NTM: variants seen among roughly 807,000 people sequenced by gnomAD.
NTM encodes neurotrimin, also known as IgLON family member 2.
NTM carries 13 observed loss-of-function variants against 42.1 expected under a neutral mutation model. That is an observed-to-expected ratio of 0.31 (90% confidence interval 0.20 to 0.49). The LOEUF is 0.49. Among genes scored for constraint, NTM ranks in the 20% least tolerant of loss-of-function variants. The probability of loss-of-function intolerance (pLI) is 0.99; values close to 1 mark genes in which losing one functional copy is unlikely to be tolerated. For synonymous variants in NTM, 187 were observed against 179.2 expected, an observed-to-expected ratio of 1.04 and a Z score of -0.35; for missense variants, 373 against 452.8, an observed-to-expected ratio of 0.82 and a Z score of 1.60.
chr11:131,638,902 CAAT>C (rs1307829272), intron 1 of NTM, among the ~76,000 whole-genome samples: 1 of 151,864 alleles, frequency 6.6e-6, no homozygotes, highest in Non-Finnish European at 1.5e-5. Flanking sequence ...ATAACAACAA[CAAT>C]AATAGCTTAG....
intron 1 of NTM, among the ~76,000 whole-genome samples, chr11:131,592,647 A>AAC (rs3040142): frequency 0.021 from 2,888 of 140,722 alleles, 37 homozygotes; most frequent in Middle Eastern, 0.029. Context: ...ACACACCCCA[A>AAC]ACACACACAC....
At chr11:131,630,165 A>G (rs1043685649) in intron 1 of NTM, among the ~76,000 whole-genome samples, 9 of 152,162 alleles carry the variant, frequency 5.9e-5, no homozygotes, top group African/African-American at 2.2e-4. Flanking sequence ...AGGTCGGGCC[A>G]TGGTCTATTG....
At chr11:131,648,775 C>T (rs996772023) in intron 1 of NTM, among the ~76,000 whole-genome samples, 4 of 152,160 alleles carry the variant, frequency 2.6e-5, no homozygotes, top group South Asian at 2.1e-4. Context: ...TGTAAACTAT[C>T]GTCACACTCT....
At chr11:131,634,115 C>G (rs1311007804) in intron 1 of NTM, among the ~76,000 whole-genome samples, 2 of 152,130 alleles carry the variant, frequency 1.3e-5, no homozygotes, top group Admixed American at 6.5e-5. Context: ...ACTGGGTAAA[C>G]AGGAGTGGTT....
intron 1 of NTM, among the ~76,000 whole-genome samples, chr11:131,712,719 G>A (rs1410664978): frequency 6.6e-6 from 1 of 151,976 alleles, no homozygotes; most frequent in Non-Finnish European, 1.5e-5. Context: ...AAGTAGCTGG[G>A]ACTACAGATG....
intron 1 of NTM, among the ~76,000 whole-genome samples, chr11:131,696,422 A>G (rs1040660392): frequency 6.6e-6 from 1 of 152,220 alleles, no homozygotes; most frequent in Non-Finnish European, 1.5e-5. Context: ...AAAGAGGAAG[A>G]CATATCAAGT....
rs7109789 is a variant in NTM at position 131,795,605 on chromosome 11, T to G, written c.83-115959T>G. 0.01 allele frequency: 10,027 copies of G among 985,246 alleles called. 760 individuals are homozygous for G. In the African/African-American group the frequency reaches 0.16, roughly 16 times the overall value. 61.0% of individuals were successfully genotyped at this position (985,246 alleles called of 1,614,324 possible). ...CCGCGAGAACCCTGGTCCCACAGAGTCATGGGAGACCCTTGTAGGAGCTTG... is the reference window on the plus strand; with the variant it reads ...CCGCGAGAACCCTGGTCCCACAGAGGCATGGGAGACCCTTGTAGGAGCTTG... On this transcript the variant is annotated intron_variant, in intron 1 of 8. Transcript: ENST00000683400.
At position 131,813,894 on chromosome 11, in the gene NTM, C is replaced by G. The variant is rs537450373; in HGVS notation, c.83-97670C>G. 5.3e-5 allele frequency among the ~76,000 whole-genome samples: 8 copies of G among 152,214 alleles called. No homozygotes were observed. The South Asian group carries it at 1.7e-3, about 32-fold the overall frequency. On this transcript the variant is annotated intron_variant, in intron 1 of 8. Coordinates refer to ENST00000683400, the MANE Select transcript of NTM (RefSeq NM_001352005.2). ...GTCCCTTCAACCCACAGCCCTCATT[C>G]TCCTCATTCGTAACAGTGCCTACTT...
At chr11:131,830,160 G>A (rs530551184) in intron 1 of NTM, among the ~76,000 whole-genome samples, 179 of 152,128 alleles carry the variant, frequency 1.2e-3, no homozygotes, top group Non-Finnish European at 1.9e-3. Context: ...CTTTTGCTGT[G>A]CAGAAACTCT....
chr11:131,738,982 G>A (rs1033024642), intron 1 of NTM, among the ~76,000 whole-genome samples: 19 of 152,158 alleles, frequency 1.2e-4, no homozygotes, highest in African/African-American at 4.6e-4. Flanking sequence ...CAAGGGATGT[G>A]GGCTTTGATC....
At chr11:132,139,362 A>G (rs182721990) in intron 2 of NTM, among the ~76,000 whole-genome samples, 21 of 152,324 alleles carry the variant, frequency 1.4e-4, no homozygotes, top group African/African-American at 3.8e-4. Context: ...TGACTTACAA[A>G]CAAGATATGA....
intron 2 of NTM, among the ~76,000 whole-genome samples, chr11:131,991,748 T>A (rs1417301333): frequency 6.6e-6 from 1 of 152,022 alleles, no homozygotes; most frequent in Admixed American, 6.6e-5. Flanking sequence ...ATTACCCAGA[T>A]AAAGAAAGGG....
At chr11:132,185,872 T>G (rs2078314158) in intron 3 of NTM, among the ~76,000 whole-genome samples, 1 of 152,152 alleles carries the variant, frequency 6.6e-6, no homozygotes. Flanking sequence ...TCTTTAACGT[T>G]GACCCTGCTT....
intron 2 of NTM, among the ~76,000 whole-genome samples, chr11:131,932,731 G>A (rs966869041): frequency 6.6e-6 from 1 of 152,136 alleles, no homozygotes; most frequent in African/African-American, 2.4e-5. Context: ...AAAGGGATTC[G>A]CTCCCTGCCC....
At chr11:131,709,733 C>T (rs1462550909) in intron 1 of NTM, among the ~76,000 whole-genome samples, 1 of 152,120 alleles carries the variant, frequency 6.6e-6, no homozygotes, top group Non-Finnish European at 1.5e-5. Context: ...AGTATATAAA[C>T]AGTGTTTAAA....
intron 1 of NTM, chr11:131,796,376 CTGCTGGTTCCTATGACGGTGAATAG>C (rs1343523887): frequency 6.5e-6 from 1 of 154,176 alleles, no homozygotes; most frequent in East Asian, 1.9e-4. Flanking sequence ...ATTGCTGCTG[CTGCTGGTTCCTATGACGGTGAATAG>C]TAGGTGTTGA....
chr11:131,963,550 T>C (rs2062463505), intron 2 of NTM, among the ~76,000 whole-genome samples: 1 of 152,374 alleles, frequency 6.6e-6, no homozygotes, highest in African/African-American at 2.4e-5. Context: ...GAATATCTCC[T>C]GTGACCTTGC....
In NTM at chr11:131,488,714, C is replaced by A. The variant is rs145926167; in HGVS notation, c.82+117826C>A. Reference sequence around the variant, plus strand: ...CTTATGTGGAAAATATATTCCCCCTCACACATCCAGAATTTTCATCCCATT... The same window carrying A: ...CTTATGTGGAAAATATATTCCCCCTAACACATCCAGAATTTTCATCCCATT... On this transcript the variant is annotated intron_variant, in intron 1 of 8. Transcript: ENST00000683400. 4.1e-3 allele frequency among the ~76,000 whole-genome samples: 623 copies of A among 152,276 alleles called. 3 individuals are homozygous for A. The highest frequency in any genetic ancestry group is 0.012 in the African/African-American group (518 of 41,556).
intron 1 of NTM, among the ~76,000 whole-genome samples, chr11:131,860,171 G>A (rs1233141051): frequency 6.6e-6 from 1 of 152,220 alleles, no homozygotes; most frequent in Non-Finnish European, 1.5e-5. Context: ...ACAAGAGCTA[G>A]TGAGACAGCC....
Sources: gnomAD v4.1 joint callset for allele counts (sites outside exome capture counted in the v4.1 genomes callset) on GRCh38, gnomAD v4.1.1 for gene constraint, MANE v1.5 for transcripts, NCBI Gene and HGNC (gene_info 2026-07-23, HGNC 2026-07-21) for gene names.